The following ERCC3 variants were observed in gnomAD, a reference collection of about 807,000 sequenced individuals.
The protein encoded by ERCC3 is general transcription and DNA repair factor IIH helicase/translocase subunit XPB.
A neutral mutation model predicts 94.2 loss-of-function variants in ERCC3; 66 were observed. That is an observed-to-expected ratio of 0.70 (90% CI 0.57 to 0.86). The LOEUF is 0.86. ERCC3 is among the 40% of genes least tolerant of loss of function. The pLI is 0.00. For missense variants in ERCC3, 829 were observed against 987.1 expected, an observed-to-expected ratio of 0.84 and a Z score of 2.15; for synonymous variants, 349 against 369.1, an observed-to-expected ratio of 0.95 and a Z score of 0.63.
At chr2:127,285,810 G>A (rs774738684) in intron 8 of ERCC3, among the ~76,000 whole-genome samples, 9 of 150,402 alleles carry the variant, frequency 6.0e-5, no homozygotes, top group East Asian at 2.0e-4. Context: ...AAGATCACAC[G>A]ACTGCACTCC....
At chr2:127,275,238 C>CA (rs1684696507) in intron 10 of ERCC3, among the ~76,000 whole-genome samples, 1 of 152,008 alleles carries the variant, frequency 6.6e-6, no homozygotes, top group African/African-American at 2.4e-5. Flanking sequence ...CTATATTGCC[C>CA]AAGCTGGACT....
At chr2:127,268,533 G>A (rs1342635183) in intron 12 of ERCC3, among the ~76,000 whole-genome samples, 1 of 152,144 alleles carries the variant, frequency 6.6e-6, no homozygotes, top group Non-Finnish European at 1.5e-5. Flanking sequence ...AAAGTGCTGG[G>A]ATTACAGGTG....
intron 13 of ERCC3, 36 bp downstream of exon 13, chr2:127,261,192 G>C (rs1208854977): frequency 8.9e-6 from 11 of 1,240,746 alleles, no homozygotes; most frequent in Non-Finnish European, 1.3e-5. Flanking sequence ...AGAAGGCCTT[G>C]GTCCTAGTCT....
At position 127,263,173 on chromosome 2, in the gene ERCC3, GT is replaced by G. The variant is rs368577027; in HGVS notation, c.1946-1828del. 2.3e-3 allele frequency among the ~76,000 whole-genome samples: 356 copies of G among 152,084 alleles called. 1 individual carries two copies. Among genetic ancestry groups the G allele is most frequent in the African/African-American group, 7.8e-3 (323 of 41,492 alleles). ...TTGTGGTTCCAGATGAATTTTATAA[GT>G]TTTTTTTCTAATTCTGTGAAAAATG... On this transcript the variant is annotated intron_variant, in intron 12 of 14. Transcript: ENST00000285398.
chr2:127,282,397 C>T (rs1242961043), intron 8 of ERCC3, among the ~76,000 whole-genome samples: 1 of 152,158 alleles, frequency 6.6e-6, no homozygotes. Flanking sequence ...AGTGCCTAAA[C>T]TTAGTAGGTT....
intron 10 of ERCC3, among the ~76,000 whole-genome samples, chr2:127,275,161 A>G (rs1232732200): frequency 6.6e-6 from 1 of 152,028 alleles, no homozygotes; most frequent in Non-Finnish European, 1.5e-5. Flanking sequence ...CCCACCACAC[A>G]CGAGCAAAGA....
chr2:127,293,481 C>A (rs1473202440), intron 2 of ERCC3, 32 bp downstream of exon 2: 2 of 1,599,904 alleles, frequency 1.3e-6, no homozygotes, highest in Non-Finnish European at 1.7e-6. Flanking sequence ...CCGCACACTC[C>A]TGGGCCCTGC....
chr2:127,259,223 G>T lies in ERCC3; in HGVS notation c.2217+73C>A. On this transcript the variant is annotated intron_variant, in intron 14 of 14. Transcript: ENST00000285398. This position sits in a 1 kb window ranked among gnomAD's most constrained non-coding sequence, Gnocchi z 4.9. ...TGGGCCCATCCAGGCAGGACTACAT[G>T]TCTGTGTCTGTGTCTACAAACGCTG... 6.4e-7 allele frequency: 1 copy of T among 1,555,646 alleles called. No individual in the cohort carries two copies. The highest frequency in any genetic ancestry group is 8.9e-7 in the Non-Finnish European group (1 of 1,128,252).
Position 127,264,343 on chromosome 2 carries a change from G to A in ERCC3, c.1946-2997C>T, listed in dbSNP as rs1573931315. On this transcript the variant is annotated intron_variant, in intron 12 of 14. Transcript: ENST00000285398. The surrounding 1 kb of genome is among the most constrained non-coding windows in gnomAD (Gnocchi z 4.4). ...TAGCTGGGCATGGTGGTGCGTGCCT[G>A]TAGTCCCAGCTACTTGGGAGGCTGA... Among the ~76,000 whole-genome samples, 1 of 152,134 alleles carries A rather than the reference G, an allele frequency of 6.6e-6. No individual in the cohort carries two copies. The highest frequency in any genetic ancestry group is 2.1e-4 in the South Asian group (1 of 4,820).
rs1052370372 is a variant in ERCC3 at position 127,258,489 on chromosome 2, G to C, written c.2218-762C>G. Among the ~76,000 whole-genome samples the C allele has an allele frequency of 1.3e-5, 2 of 152,282 alleles. No homozygotes were observed. Among genetic ancestry groups the C allele is most frequent in the East Asian group, 1.9e-4 (1 of 5,174 alleles). Reference sequence around the variant, plus strand: ...CCAGGCACCTCCTTAAAACCAGTGAGAGCAATGAGAGCACTCTCCTGGGTT... The same window carrying C: ...CCAGGCACCTCCTTAAAACCAGTGACAGCAATGAGAGCACTCTCCTGGGTT... On this transcript the variant is annotated intron_variant, in intron 14 of 14. Transcript: ENST00000285398. The surrounding 1 kb of genome is among the most constrained non-coding windows in gnomAD (Gnocchi z 4.1).
At chr2:127,288,305 C>T (rs769117331) in intron 7 of ERCC3, among the ~76,000 whole-genome samples, 2 of 152,222 alleles carry the variant, frequency 1.3e-5, no homozygotes, top group Non-Finnish European at 2.9e-5. Context: ...CCACTAAGTG[C>T]AACAGCCCCT....
chr2:127,283,094 T>C (rs1398101242), intron 8 of ERCC3, among the ~76,000 whole-genome samples: 1 of 135,900 alleles, frequency 7.4e-6, no homozygotes. Context: ...CCACCTTTTT[T>C]CTTTTGAGTT....
At chr2:127,266,197 G>A (rs1010380688) in intron 12 of ERCC3, among the ~76,000 whole-genome samples, 1 of 151,384 alleles carries the variant, frequency 6.6e-6, no homozygotes, top group Non-Finnish European at 1.5e-5. Context: ...AAAGTGCTGC[G>A]GTTACAGGCA....
At position 127,272,885 on chromosome 2, in the gene ERCC3, T is replaced by A. The variant is rs765199734; in HGVS notation, c.1807A>T (p.Asn603Tyr). Residue 603 changes from asparagine (N) to tyrosine (Y), a missense_variant, in exon 11 of 15, where the codon AAC becomes TAC. Physicochemically the swap from Asn to Tyr is moderately radical, Grantham distance 143. Transcript: ENST00000285398. ...LQNFKHNPKI[N>Y]TIFISKVGDT... is the part of the protein sequence containing the mutation. ...CAAACCTTGGATATGAAGATGGTGT[T>A]AATTTTGGGGTTGTGCTTGAAATTC... 6.2e-7 allele frequency: 1 copy of A among 1,613,354 alleles called. No homozygotes were observed. The highest frequency in any genetic ancestry group is 8.5e-7 in the Non-Finnish European group (1 of 1,179,330).
intron 12 of ERCC3, among the ~76,000 whole-genome samples, chr2:127,266,764 G>A: frequency 7.6e-6 from 1 of 131,912 alleles, no homozygotes; most frequent in South Asian, 2.3e-4. Flanking sequence ...TCCCCAGGCT[G>A]GAGTGCAGTG....
intron 13 of ERCC3, chr2:127,260,984 C>T (rs887303705): frequency 3.3e-5 from 17 of 513,814 alleles, no homozygotes; most frequent in Non-Finnish European, 5.0e-5. Context: ...AGCAGCCCTG[C>T]GGGGCTCAGA....
intron 13 of ERCC3, 119 bp downstream of exon 13, chr2:127,261,109 G>T (rs1308336385): frequency 4.0e-6 from 3 of 753,300 alleles, no homozygotes; most frequent in Non-Finnish European, 7.4e-6. Context: ...TTGAGGCAAG[G>T]CCTCTAATCT....
intron 4 of ERCC3, 21 bp from the exon 5 acceptor site, chr2:127,289,845 A>AG (rs1558963105): frequency 6.2e-7 from 1 of 1,614,082 alleles, no homozygotes; most frequent in East Asian, 2.2e-5. Flanking sequence ...GGGAGGAAGA[A>AG]GGGGTCTACT....
chr2:127,285,174 A>C (rs1685026207), intron 8 of ERCC3, among the ~76,000 whole-genome samples: 1 of 152,236 alleles, frequency 6.6e-6, no homozygotes, highest in Non-Finnish European at 1.5e-5. Flanking sequence ...TTCCATAAAA[A>C]GCAAATCTAT....
Sources: gnomAD v4.1 joint callset for allele counts (sites outside exome capture counted in the v4.1 genomes callset) on GRCh38, gnomAD v4.1.1 for gene constraint, Gnocchi (gnomAD v3.1) non-coding constraint, MANE v1.5 for transcripts, NCBI Gene and HGNC (gene_info 2026-07-23, HGNC 2026-07-21) for gene names.